The following PLEKHH1 variants were observed in gnomAD, a reference collection of about 807,000 sequenced individuals.
The protein encoded by PLEKHH1 is pleckstrin homology domain-containing family H member 1.
A neutral mutation model predicts 160.0 loss-of-function variants in PLEKHH1; 104 were observed. That is an observed-to-expected ratio of 0.65 (90% CI 0.55 to 0.76). The LOEUF (loss-of-function observed/expected upper bound fraction) is 0.76, where lower values mean the gene tolerates loss of function less well. Among genes scored for constraint, PLEKHH1 ranks in the 30% least tolerant of loss-of-function variants. PLEKHH1 has a pLI of 0.00. For synonymous variants in PLEKHH1, 619 were observed against 678.4 expected (o/e 0.91, Z 1.36); for missense variants, 1,427 against 1,724.1 (o/e 0.83, Z 3.05).
At position 67,562,916 on chromosome 14, in the gene PLEKHH1, G is replaced by A. The variant is rs1349156595; in HGVS notation, c.1263+22G>A. ...CTGGGTAAGAGGCAACCTCCGGGCT[G>A]GGCAGAGGAGCAGAGCTAATGGCAA... On this transcript the variant is annotated intron_variant, in intron 7 of 28. Transcript: ENST00000329153. 9 of 1,603,106 alleles carry A rather than the reference G, an allele frequency of 5.6e-6. No individual in the cohort carries two copies. The Middle Eastern group carries it at 5.0e-4, about 89-fold the overall frequency.
Position 67,586,040 on chromosome 14 carries a change from CAA to C in PLEKHH1, c.3877_3878del (p.Lys1293GlufsTer8), listed in dbSNP as rs1234800135. Reference protein sequence around the residue: ...FMLVIRSIPDKSSGKSHIEKL... With the variant: ...FMLVIRSIPDXSSGKSHIEKL... ...TGCTTGTGATTAGATCTATCCCAGA[CAA>C]GAGCTCTGGAAAAAGCCACATTGAG... On this transcript the variant is annotated frameshift_variant, in exon 28 of 29. Transcript: ENST00000329153. LOFTEE classifies it high-confidence loss of function. 6.2e-7 allele frequency: 1 copy of C among 1,613,846 alleles called. No individual in the cohort carries two copies. Among genetic ancestry groups the C allele is most frequent in the African/African-American group, 1.3e-5 (1 of 75,050 alleles).
At chr14:67,555,784 G>T in intron 2 of PLEKHH1, 41 bp from the exon 3 acceptor site, 1 of 1,609,154 alleles carries the variant, frequency 6.2e-7, no homozygotes, top group East Asian at 2.2e-5. Context: ...TCACAGTAGG[G>T]ACATGGCACC....
Position 67,578,737 on chromosome 14 carries a change from G to T in PLEKHH1, c.2849+106G>T. 2.6e-6 allele frequency: 2 copies of T among 761,950 alleles called. No individual in the cohort carries two copies. The highest frequency in any genetic ancestry group is 4.6e-6 in the Non-Finnish European group (2 of 433,796). The allele number at this position is 761,950 out of a possible 1,614,324, so 47.2% of individuals were successfully genotyped here. On this transcript the variant is annotated intron_variant, in intron 20 of 28. Coordinates refer to ENST00000329153, the MANE Select transcript of PLEKHH1 (RefSeq NM_020715.3). This position sits in a 1 kb window ranked among gnomAD's most constrained non-coding sequence, Gnocchi z 5.0. ...GCAGACCAGATCACTCCTGTCCTCT[G>T]AAACCGCTCAGTGGTCGTGGAGACT...
chr14:67,584,887 T>C (rs11847207), intron 26 of PLEKHH1, among the ~76,000 whole-genome samples: 2,418 of 152,324 alleles, frequency 0.016, 80 homozygotes, highest in African/African-American at 0.056. Context: ...AGAGGTGTTA[T>C]AAAGGCATAT....
chr14:67,580,038 C>G lies in PLEKHH1; in HGVS notation c.3183+162C>G, dbSNP rs1006070867. On this transcript the variant is annotated intron_variant, in intron 22 of 28. Transcript: ENST00000329153. ...ATTTCTGTGCCATCCTAAAATGTACCTGGGCAGGGAGAAAAAAGCTGTTGT... is the reference window on the plus strand; with the variant it reads ...ATTTCTGTGCCATCCTAAAATGTACGTGGGCAGGGAGAAAAAAGCTGTTGT... The G allele has an allele frequency of 2.0e-5, 13 of 648,602 alleles. No homozygotes were observed. The Admixed American group carries it at 2.7e-4, about 13-fold the overall frequency. 40.2% of individuals were successfully genotyped at this position (648,602 alleles called of 1,614,324 possible). A position where few individuals can be genotyped will look rare whatever the true frequency, so the allele number is the denominator to read the frequency against.
At chr14:67,579,349 C>T (rs774201673) in intron 21 of PLEKHH1, 38 bp downstream of exon 21, 2 of 1,431,322 alleles carry the variant, frequency 1.4e-6, no homozygotes, top group Non-Finnish European at 1.8e-6. Flanking sequence ...CGAGTCTTCT[C>T]ACGTCACCAT....
chr14:67,564,122 C>T (rs1465943405), intron 7 of PLEKHH1, among the ~76,000 whole-genome samples: 4 of 151,658 alleles, frequency 2.6e-5, no homozygotes, highest in African/African-American at 9.7e-5. Context: ...AGGATGGTCT[C>T]GATCTCCTGA....
rs578100239 is a variant in PLEKHH1, at chr14:67,582,969, T to G, written c.3426+759T>G. Among the ~76,000 whole-genome samples the G allele has an allele frequency of 6.6e-6, 1 of 152,326 alleles. No individual in the cohort carries two copies. Among genetic ancestry groups the G allele is most frequent in the African/African-American group, 2.4e-5 (1 of 41,564 alleles). On this transcript the variant is annotated intron_variant, in intron 24 of 28. Transcript: ENST00000329153. This position sits in a 1 kb window ranked among gnomAD's most constrained non-coding sequence, Gnocchi z 5.0. ...TTCATAAACCATCAGACCTTCTAAG[T>G]AGACTTAGGAAGAGGAACACACATT...
rs1046030520 is a variant in PLEKHH1, at chr14:67,574,534, T to A, written c.2088+131T>A. On this transcript the variant is annotated intron_variant, in intron 14 of 28. Transcript: ENST00000329153. The surrounding 1 kb of genome is among the most constrained non-coding windows in gnomAD (Gnocchi z 4.2). ...TCTCTGGGAGCCTCCTCACAGTGAC[T>A]CGCTGGCCAGCCCTCAAACGTGGTC... 5 of 679,224 alleles carry A rather than the reference T, an allele frequency of 7.4e-6. No individual in the cohort carries two copies. The highest frequency in any genetic ancestry group is 1.1e-5 in the Non-Finnish European group (5 of 442,362). The allele number at this position is 679,224 out of a possible 1,614,324, so 42.1% of individuals were successfully genotyped here. A position where few individuals can be genotyped will look rare whatever the true frequency, so the allele number is the denominator to read the frequency against.
chr14:67,544,012 G>A (rs1050674504), intron 2 of PLEKHH1, among the ~76,000 whole-genome samples: 55 of 152,116 alleles, frequency 3.6e-4, no homozygotes, highest in African/African-American at 1.3e-3. Context: ...TAATATCTGT[G>A]GGGATAGAAA....
chr14:67,569,184 A>G lies in PLEKHH1; in HGVS notation c.1310A>G (p.Asp437Gly), dbSNP rs2035250963. The change falls in exon 8 of 29, where the codon GAT (aspartate) becomes GGT (glycine). Residue 437 changes from aspartate (D) to glycine (G), a missense_variant. Around this residue, in one of 6 missense-constraint regions of PLEKHH1, gnomAD observed 831 missense variants for 929.2 expected, o/e 0.89. Transcript: ENST00000329153. Reference protein sequence around the residue: ...AVATSGMRLSDMSPRSNTACC... With the variant: ...AVATSGMRLSGMSPRSNTACC... ...GCCACATCGGGCATGCGGCTCTCAG[A>G]TATGTCTCCCAGAAGTAATACTGCA... 6.2e-7 allele frequency: 1 copy of G among 1,613,216 alleles called. No individual in the cohort carries two copies. Among genetic ancestry groups the G allele is most frequent in the South Asian group, 1.1e-5 (1 of 91,070 alleles).
At chr14:67,558,928 T>G (rs972613342) in intron 4 of PLEKHH1, among the ~76,000 whole-genome samples, 2 of 152,374 alleles carry the variant, frequency 1.3e-5, no homozygotes, top group East Asian at 3.9e-4. Context: ...AATGCAACTT[T>G]ATTTACAAAA....
At chr14:67,569,104 C>A in intron 7 of PLEKHH1, 34 bp from the exon 8 acceptor site, 1 of 1,481,602 alleles carries the variant, frequency 6.7e-7, no homozygotes, top group Non-Finnish European at 9.4e-7. Context: ...GGCATCATGC[C>A]GGGCCCTGAG....
intron 11 of PLEKHH1, 75 bp downstream of exon 11, chr14:67,572,352 A>G (rs1594779026): frequency 4.1e-6 from 5 of 1,223,802 alleles, no homozygotes; most frequent in African/African-American, 3.1e-5. Context: ...AGCACAAGAC[A>G]TAGGCAGTAG....
At position 67,579,839 on chromosome 14, in the gene PLEKHH1, G is replaced by T; in HGVS notation, c.3146G>T (p.Gly1049Val). 1.2e-6 allele frequency: 2 copies of T among 1,606,590 alleles called. No individual in the cohort carries two copies. Among genetic ancestry groups the T allele is most frequent in the Admixed American group, 1.7e-5 (1 of 59,134 alleles). Residue 1049 changes from glycine to valine, a missense_variant, in exon 22 of 29, where the codon GGC becomes GTC. Gly to Val is a moderately radical substitution (Grantham distance 109). Transcript: ENST00000329153. ...GFALFTDDPS[G>V]RDLEHCLQGS... ...GCCCTCTTCACGGACGATCCCTCGG[G>T]CAGGGACCTGGAGCACTGCCTGCAG... is the stretch of plus-strand genomic sequence containing the variant.
intron 2 of PLEKHH1, among the ~76,000 whole-genome samples, chr14:67,550,885 T>A (rs1452821053): frequency 6.6e-6 from 1 of 152,054 alleles, no homozygotes; most frequent in Non-Finnish European, 1.5e-5. Flanking sequence ...ACCTCTCTGT[T>A]TTAGTTTCCT....
intron 18 of PLEKHH1, 37 bp downstream of exon 18, chr14:67,577,451 A>G (rs1356246766): frequency 1.6e-6 from 2 of 1,254,114 alleles, no homozygotes; most frequent in African/African-American, 1.5e-5. Context: ...CCGCTGGGAT[A>G]CTTGCAATAC....
At chr14:67,586,433 A>G in intron 28 of PLEKHH1, 3 of 1,312,958 alleles carry the variant, frequency 2.3e-6, no homozygotes, top group African/African-American at 3.0e-5. Context: ...GCAGTCCTCA[A>G]GGCAGGGCAG....
At chr14:67,539,425 G>C (rs771558458) in intron 1 of PLEKHH1, among the ~76,000 whole-genome samples, 1 of 152,150 alleles carries the variant, frequency 6.6e-6, no homozygotes, top group East Asian at 1.9e-4. Context: ...ACCAAGAAGC[G>C]AGCTTACTCG....
Sources: gnomAD v4.1 joint callset for allele counts (sites outside exome capture counted in the v4.1 genomes callset) on GRCh38, gnomAD v4.1.1 for gene constraint, gnomAD v4.1.1 regional missense constraint, Gnocchi (gnomAD v3.1) non-coding constraint, MANE v1.5 for transcripts, NCBI Gene and HGNC (gene_info 2026-07-23, HGNC 2026-07-21) for gene names.